Variants in KCNB2 observed in about 807,000 individuals in gnomAD.
KCNB2 encodes delayed rectifier potassium channel protein.
KCNB2 carries 15 observed loss-of-function variants against 61.5 expected under a neutral mutation model. That is an observed-to-expected ratio of 0.24 (90% CI 0.16 to 0.38). The LOEUF (loss-of-function observed/expected upper bound fraction) is 0.38, where lower values mean the gene tolerates loss of function less well. KCNB2 is among the 10% of genes least tolerant of loss of function. KCNB2 has a pLI of 1.00. For missense variants in KCNB2, 828 were observed against 1,125.2 expected, an observed-to-expected ratio of 0.74 and a Z score of 3.78; for synonymous variants, 457 against 446.0, an observed-to-expected ratio of 1.02 and a Z score of -0.31.
intron 2 of KCNB2, among the ~76,000 whole-genome samples, chr8:72,627,271 G>A (rs1805804748): frequency 6.6e-6 from 1 of 152,188 alleles, no homozygotes; most frequent in African/African-American, 2.4e-5. Context: ...TAGAGAAGGA[G>A]GTCACTAGGA....
intron 2 of KCNB2, among the ~76,000 whole-genome samples, chr8:72,605,499 G>A (rs942424208): frequency 8.5e-5 from 13 of 152,168 alleles, no homozygotes; most frequent in Non-Finnish European, 1.8e-4. Flanking sequence ...AGGATTTCAT[G>A]AGAACCATGT....
At chr8:72,910,647 A>G (rs1261353538) in intron 2 of KCNB2, among the ~76,000 whole-genome samples, 1 of 152,228 alleles carries the variant, frequency 6.6e-6, no homozygotes, top group Non-Finnish European at 1.5e-5. Flanking sequence ...GTAAAGTGAC[A>G]TTGAATTCAG....
chr8:72,738,182 A>G (rs1404687810), intron 2 of KCNB2, among the ~76,000 whole-genome samples: 1 of 152,164 alleles, frequency 6.6e-6, no homozygotes, highest in African/African-American at 2.4e-5. Flanking sequence ...CTGGAAGATG[A>G]TCCATAATGT....
chr8:72,663,882 C>T (rs1806422362), intron 2 of KCNB2, among the ~76,000 whole-genome samples: 1 of 152,056 alleles, frequency 6.6e-6, no homozygotes, highest in Non-Finnish European at 1.5e-5. Flanking sequence ...TTCCAAAAAC[C>T]AACTGCAGTT....
At chr8:72,874,684 C>G (rs1290660179) in intron 2 of KCNB2, among the ~76,000 whole-genome samples, 1 of 152,210 alleles carries the variant, frequency 6.6e-6, no homozygotes, top group Non-Finnish European at 1.5e-5. Context: ...CGGAACCAAA[C>G]AACATCTGTT....
intron 2 of KCNB2, among the ~76,000 whole-genome samples, chr8:72,859,718 T>C (rs1378341241): frequency 7.4e-6 from 1 of 134,876 alleles, no homozygotes; most frequent in Non-Finnish European, 1.6e-5. Context: ...TTTTTTTTTT[T>C]TTTTTTTTTT....
chr8:72,702,414 C>T (rs1341263460), intron 2 of KCNB2, among the ~76,000 whole-genome samples: 1 of 152,084 alleles, frequency 6.6e-6, no homozygotes, highest in Admixed American at 6.6e-5. Context: ...GGAGTCTGTA[C>T]CAGTATCCTA....
intron 2 of KCNB2, among the ~76,000 whole-genome samples, chr8:72,934,149 A>G (rs7017166): frequency 0.48 from 72,845 of 151,748 alleles, 18,110 homozygotes; most frequent in East Asian, 0.89. Flanking sequence ...GGGAGGCCGA[A>G]GCAGGTGGAT....
intron 2 of KCNB2, among the ~76,000 whole-genome samples, chr8:72,605,618 G>A (rs1041408249): frequency 2.0e-5 from 3 of 152,100 alleles, no homozygotes; most frequent in Non-Finnish European, 2.9e-5. Flanking sequence ...CTGTATTTAA[G>A]TATTTTTAAT....
intron 2 of KCNB2, among the ~76,000 whole-genome samples, chr8:72,581,597 G>A (rs1446740725): frequency 2.0e-5 from 3 of 152,198 alleles, no homozygotes; most frequent in Non-Finnish European, 4.4e-5. Flanking sequence ...TCTGATTCTA[G>A]CGATTAGACC....
intron 2 of KCNB2, among the ~76,000 whole-genome samples, chr8:72,813,218 A>G (rs1395997813): frequency 6.6e-6 from 1 of 152,180 alleles, no homozygotes; most frequent in Admixed American, 6.5e-5. Context: ...GTGCCCAACC[A>G]GTGTTGGTGA....
At chr8:72,749,770 A>G (rs1459298273) in intron 2 of KCNB2, among the ~76,000 whole-genome samples, 1 of 146,484 alleles carries the variant, frequency 6.8e-6, no homozygotes, top group African/African-American at 2.5e-5. Flanking sequence ...ATATATTTGT[A>G]TATATACAAA....
intron 2 of KCNB2, among the ~76,000 whole-genome samples, chr8:72,882,556 A>AGAGAGAGAGAG (rs10691208): frequency 8.5e-4 from 122 of 142,726 alleles, no homozygotes; most frequent in Non-Finnish European, 1.2e-3. Context: ...AGAGAGAGAG[A>AGAGAGAGAGAG]ATGTGTGTCT....
intron 2 of KCNB2, among the ~76,000 whole-genome samples, chr8:72,899,507 C>T (rs983501076): frequency 6.6e-6 from 1 of 152,172 alleles, no homozygotes; most frequent in Non-Finnish European, 1.5e-5. Context: ...GCTCCCAAAA[C>T]TGATAAATGA....
At chr8:72,675,518 G>GGT (rs1450539640) in intron 2 of KCNB2, among the ~76,000 whole-genome samples, 3 of 123,792 alleles carry the variant, frequency 2.4e-5, no homozygotes, top group African/African-American at 1.5e-4. Flanking sequence ...TCTGCAGTCG[G>GGT]ATTTTTTTTT....
chr8:72,737,327 A>G (rs1160865245), intron 2 of KCNB2, among the ~76,000 whole-genome samples: 1 of 152,214 alleles, frequency 6.6e-6, no homozygotes, highest in Non-Finnish European at 1.5e-5. Context: ...TATATTAAGC[A>G]ATAAATGCTT....
At chr8:72,757,646 T>C (rs1449685593) in intron 2 of KCNB2, among the ~76,000 whole-genome samples, 1 of 151,160 alleles carries the variant, frequency 6.6e-6, no homozygotes, top group African/African-American at 2.4e-5. Flanking sequence ...TTTATGTGCG[T>C]GTGTGTGTGT....
At chr8:72,840,077 C>A in intron 2 of KCNB2, among the ~76,000 whole-genome samples, 1 of 152,100 alleles carries the variant, frequency 6.6e-6, no homozygotes. Flanking sequence ...CACCCTGCAA[C>A]AGGCTCAGGT....
At chr8:72,760,522 C>G (rs1004762099) in intron 2 of KCNB2, among the ~76,000 whole-genome samples, 3 of 152,150 alleles carry the variant, frequency 2.0e-5, no homozygotes, top group Non-Finnish European at 4.4e-5. Flanking sequence ...ACAGCATCAC[C>G]TAGGCACTCA....
Sources: gnomAD v4.1 joint callset for allele counts (sites outside exome capture counted in the v4.1 genomes callset) on GRCh38, gnomAD v4.1.1 for gene constraint, MANE v1.5 for transcripts, NCBI Gene and HGNC (gene_info 2026-07-23, HGNC 2026-07-21) for gene names.